Variants in CHAT observed in about 807,000 individuals in gnomAD.
CHAT encodes the protein acetyl CoA:choline O-acetyltransferase.
CHAT carries 61 observed loss-of-function variants against 76.9 expected under a neutral mutation model. The ratio of observed to expected loss-of-function variants is 0.79; its 90% CI spans 0.65 to 0.98. CHAT has a LOEUF of 0.98. Ranked by LOEUF, CHAT falls within the 50% of genes least tolerant of loss-of-function variation. CHAT has a pLI of 0.00. For missense variants in CHAT, 946 were observed against 986.9 expected, an observed-to-expected ratio of 0.96 and a Z score of 0.56; for synonymous variants, 407 against 397.4, an observed-to-expected ratio of 1.02 and a Z score of -0.29.
intron 3 of CHAT, 135 bp from the exon 4 acceptor site, chr10:49,620,360 A>G (rs1361230919): frequency 1.3e-6 from 1 of 757,698 alleles, no homozygotes; most frequent in Non-Finnish European, 2.4e-6. Flanking sequence ...AGCTCCTGGC[A>G]CATACCTGGG....
At chr10:49,625,176 G>T (rs565126863) in intron 5 of CHAT, among the ~76,000 whole-genome samples, 55 of 152,288 alleles carry the variant, frequency 3.6e-4, no homozygotes, top group African/African-American at 1.3e-3. Context: ...TGGGGCAAAG[G>T]CACGCCGAGA....
In CHAT at chr10:49,633,167, C is replaced by G. The variant is rs558014146; in HGVS notation, c.1111+5382C>G. ...GCAGACTGGGGTTGGATGATGACAT[C>G]AGGATTGTCTAGAGCATTCCTTAAT... is the stretch of plus-strand genomic sequence containing the variant. On this transcript the variant is annotated intron_variant, in intron 7 of 14. Coordinates refer to ENST00000337653, the MANE Select transcript of CHAT (RefSeq NM_020549.5). Among the ~76,000 whole-genome samples the G allele has an allele frequency of 5.9e-5, 9 of 152,318 alleles. No individual in the cohort carries two copies. In the South Asian group the frequency reaches 1.9e-3, roughly 32 times the overall value.
chr10:49,636,834 A>T (rs980543678), intron 7 of CHAT, among the ~76,000 whole-genome samples: 1 of 152,206 alleles, frequency 6.6e-6, no homozygotes, highest in Non-Finnish European at 1.5e-5. Flanking sequence ...CGGGTTAATA[A>T]TTATAGGGCT....
At position 49,651,843 on chromosome 10, in the gene CHAT, T is replaced by C. The variant is rs754026873; in HGVS notation, c.1512-41T>C. ...GGAAACCCCAGATGCATGCATACTG[T>C]TTTGCATGCAATAAAAACATCTTTT... is the stretch of plus-strand genomic sequence containing the variant. On this transcript the variant is annotated intron_variant, in intron 10 of 14. Transcript: ENST00000337653. 1.2e-5 allele frequency: 19 copies of C among 1,589,990 alleles called. No individual in the cohort carries two copies. The Admixed American group carries it at 2.9e-4, about 25-fold the overall frequency.
chr10:49,627,094 C>T (rs1838948418), intron 6 of CHAT, among the ~76,000 whole-genome samples: 1 of 152,238 alleles, frequency 6.6e-6, no homozygotes, highest in African/African-American at 2.4e-5. Flanking sequence ...ATGCCCTAGA[C>T]ATATACACCA....
At chr10:49,648,752 C>T (rs1839769262) in intron 9 of CHAT, 145 bp downstream of exon 9, 10 of 665,588 alleles carry the variant, frequency 1.5e-5, no homozygotes, top group South Asian at 1.6e-5. Context: ...CACACACACA[C>T]ACACACGATG....
At chr10:49,661,681 T>C (rs1204998363) in intron 13 of CHAT, among the ~76,000 whole-genome samples, 2 of 152,152 alleles carry the variant, frequency 1.3e-5, no homozygotes, top group African/African-American at 4.8e-5. Flanking sequence ...GTTACCCTGA[T>C]GTTGACCCAA....
intron 11 of CHAT, among the ~76,000 whole-genome samples, chr10:49,654,716 G>C (rs1246752342): frequency 6.6e-6 from 1 of 152,236 alleles, no homozygotes; most frequent in African/African-American, 2.4e-5. Context: ...AAATAAAACA[G>C]GATTCCCGCA....
At chr10:49,612,468 C>T, upstream of CHAT, 1 of 909,802 alleles carries the variant, frequency 1.1e-6, no homozygotes. Context: ...TCAACCTTGA[C>T]TTCTGCCCAA....
upstream of CHAT, chr10:49,610,705 G>A: frequency 6.8e-7 from 1 of 1,461,502 alleles, no homozygotes; most frequent in Non-Finnish European, 9.0e-7. Flanking sequence ...CTCGGCCCTG[G>A]CGGAGGCGTC....
In CHAT at chr10:49,665,431, C is replaced by T. The variant is rs1362178073; in HGVS notation, c.*385C>T. On this transcript the variant is annotated 3_prime_UTR_variant, in exon 15 of 15. Transcript: ENST00000337653. ...TTCTGCCCAAGGAAAGGATGAGTCA[C>T]TCTATTACATGCAACGTACCTAATG... Among the ~76,000 whole-genome samples, 1 of 152,108 alleles carries T rather than the reference C, an allele frequency of 6.6e-6. No individual in the cohort carries two copies. Among genetic ancestry groups the T allele is most frequent in the Non-Finnish European group, 1.5e-5 (1 of 68,010 alleles).
upstream of CHAT, chr10:49,611,367 G>A (rs1838289978): frequency 1.9e-6 from 3 of 1,599,994 alleles, no homozygotes; most frequent in Non-Finnish European, 2.5e-6. Context: ...AGGAGCCGGA[G>A]CGCAGTCGTG....
At chr10:49,660,374 A>C (rs987584567) in intron 13 of CHAT, among the ~76,000 whole-genome samples, 1 of 152,020 alleles carries the variant, frequency 6.6e-6, no homozygotes, top group African/African-American at 2.4e-5. Flanking sequence ...CCCAGGAGGC[A>C]GAGGTTGCAG....
At chr10:49,611,655 C>A (rs8187728), upstream of CHAT, 46 of 1,611,958 alleles carry the variant, frequency 2.9e-5, no homozygotes, top group African/African-American at 6.0e-4. Context: ...ACATTCCCCT[C>A]GCCTTCCTCG....
chr10:49,632,865 A>G lies in CHAT; in HGVS notation c.1111+5080A>G, dbSNP rs137937197. ...AGGGACTGCCAGGGTGGCACAGCCC[A>G]CGCGCAGGGGAGCAGGGCTGCCTGC... On this transcript the variant is annotated intron_variant, in intron 7 of 14. Transcript: ENST00000337653. Among the ~76,000 whole-genome samples the G allele has an allele frequency of 2.9e-3, 443 of 152,236 alleles. 1 individual carries two copies. The highest frequency in any genetic ancestry group is 4.7e-3 in the Non-Finnish European group (317 of 68,004).
In CHAT at chr10:49,619,750, C is replaced by G. The variant is rs557059182; in HGVS notation, c.413C>G (p.Pro138Arg). 14 of 1,613,212 alleles carry G rather than the reference C, an allele frequency of 8.7e-6. 1 individual carries two copies. In the South Asian group the frequency reaches 1.5e-4, roughly 18 times the overall value. Reference sequence around the variant, plus strand: ...GGGCTGCCCAAACTGCCCGTGCCCCCGCTGCAGCAGACCCTGGCCACGTAC... The same window carrying G: ...GGGCTGCCCAAACTGCCCGTGCCCCGGCTGCAGCAGACCCTGGCCACGTAC... ...ESGLPKLPVPPLQQTLATYLQ... is the reference protein window; with the variant it reads ...ESGLPKLPVPRLQQTLATYLQ... Residue 138 changes from proline to arginine, a missense_variant, in exon 3 of 15, where the codon CCG (proline) becomes CGG (arginine). By Grantham distance (103) the Pro-to-Arg change is moderately radical (BLOSUM62 -2). Around this residue, in one of 3 missense-constraint regions of CHAT, gnomAD observed 548 missense variants for 516.2 expected, o/e 1.06. Transcript: ENST00000337653.
intron 6 of CHAT, 78 bp from the exon 7 acceptor site, chr10:49,627,530 T>C (rs1838964469): frequency 2.3e-5 from 33 of 1,458,796 alleles, no homozygotes; most frequent in South Asian, 1.5e-4. Flanking sequence ...TGCCCCAAGC[T>C]TACCTGTGAA....
At position 49,664,806 on chromosome 10, in the gene CHAT, C is replaced by T; in HGVS notation, c.2007C>T (p.Cys669=). ...QVPTTTEMFC[C]YGPVVPNGYG... The stretch of plus-strand genomic sequence containing the variant: ...CCACAACCACGGAGATGTTCTGCTG[C>T]TATGGTCCTGTGGTCCCAAATGGGT... Residue 669 remains cysteine (C), a synonymous_variant, in exon 15 of 15, where the codon TGC becomes TGT. Coordinates refer to ENST00000337653, the MANE Select transcript of CHAT (RefSeq NM_020549.5). The T allele has an allele frequency of 6.2e-7, 1 of 1,614,212 alleles. No individual in the cohort carries two copies. The highest frequency in any genetic ancestry group is 8.5e-7 in the Non-Finnish European group (1 of 1,180,048).
Position 49,666,266 on chromosome 10 carries a change from C to G in CHAT, c.*1220C>G, listed in dbSNP as rs559993156. 5.9e-5 allele frequency among the ~76,000 whole-genome samples: 9 copies of G among 152,106 alleles called. No individual in the cohort carries two copies. Among genetic ancestry groups the G allele is most frequent in the Non-Finnish European group, 1.2e-4 (8 of 67,994 alleles). On this transcript the variant is annotated 3_prime_UTR_variant, in exon 15 of 15. Coordinates refer to ENST00000337653, the MANE Select transcript of CHAT (RefSeq NM_020549.5). ...GCCCCAGCTCCAGCTCCAGCCCCAG[C>G]TCCAGCTCCAGCCCCAGCTCCAGCT... is the stretch of plus-strand genomic sequence containing the variant.
Sources: gnomAD v4.1 joint callset for allele counts (sites outside exome capture counted in the v4.1 genomes callset) on GRCh38, gnomAD v4.1.1 for gene constraint, gnomAD v4.1.1 regional missense constraint, MANE v1.5 for transcripts, NCBI Gene and HGNC (gene_info 2026-07-23, HGNC 2026-07-21) for gene names.